The following IL12RB1 variants were observed in gnomAD, a reference collection of about 807,000 sequenced individuals.
IL12RB1 encodes the protein interleukin-12 receptor subunit beta-1.
A neutral mutation model predicts 94.4 loss-of-function variants in IL12RB1; 64 were observed. The observed-to-expected ratio is 0.68, with a 90% CI of 0.55 to 0.83. IL12RB1 has a LOEUF of 0.83. Ranked by LOEUF, IL12RB1 falls within the 40% of genes least tolerant of loss-of-function variation. The probability of loss-of-function intolerance (pLI) is 0.00; values close to 1 mark genes in which losing one functional copy is unlikely to be tolerated. For missense variants in IL12RB1, 814 were observed against 855.6 expected (o/e 0.95, Z 0.61); for synonymous variants, 362 against 355.5 (o/e 1.02, Z -0.21).
upstream of IL12RB1, among the ~76,000 whole-genome samples, chr19:18,091,697 T>C (rs1430638603): frequency 6.6e-6 from 1 of 152,056 alleles, no homozygotes; most frequent in Non-Finnish European, 1.5e-5. Context: ...TTGAGGATGT[T>C]TAATTATTAT....
Position 18,059,536 on chromosome 19 carries a change from G to T in IL12RB1, c.*72C>A. 1 of 768,102 alleles carries T rather than the reference G, an allele frequency of 1.3e-6. No homozygotes were observed. The highest frequency in any genetic ancestry group is 2.4e-6 in the Non-Finnish European group (1 of 411,672). 47.6% of individuals were successfully genotyped at this position (768,102 alleles called of 1,614,324 possible). A position where few individuals can be genotyped will look rare whatever the true frequency, so the allele number is the denominator to read the frequency against. On this transcript the variant is annotated 3_prime_UTR_variant, in exon 17 of 17. Transcript: ENST00000593993. ...AGCCTGGAGGAGCTCTGGGTTATTT[G>T]GGTCCAAATGTGACTCCTGTGTGTG... is the stretch of plus-strand genomic sequence containing the variant.
chr19:18,097,661 G>A (rs984261889), intron 1 of IL12RB1: 1 of 451,382 alleles, frequency 2.2e-6, no homozygotes, highest in Non-Finnish European at 3.4e-6. Flanking sequence ...GCGGGGCCCT[G>A]TGGTCGGGCT....
At chr19:18,098,760 G>A (rs1209052902) in exon 1 of IL12RB1, 1 of 456,682 alleles carries the variant, frequency 2.2e-6, no homozygotes, top group Non-Finnish European at 4.4e-6. Flanking sequence ...CTTACCCAAC[G>A]AACATTTATG....
chr19:18,083,345 G>A, intron 2 of IL12RB1, 87 bp downstream of exon 2: 2 of 1,226,700 alleles, frequency 1.6e-6, no homozygotes, highest in South Asian at 1.2e-5. Context: ...TTGGCCTGGT[G>A]GTGGAGGCCA....
chr19:18,075,445 G>A (rs917015663), intron 7 of IL12RB1, among the ~76,000 whole-genome samples: 1 of 151,626 alleles, frequency 6.6e-6, no homozygotes, highest in South Asian at 2.1e-4. Flanking sequence ...ATTTTTAGTA[G>A]AGAAGGGGTT....
At chr19:18,080,783 G>C in intron 4 of IL12RB1, 49 bp downstream of exon 4, 1 of 1,269,134 alleles carries the variant, frequency 7.9e-7, no homozygotes, top group Non-Finnish European at 1.2e-6. Context: ...CTTGCAGCCT[G>C]ATGGCCTCTC....
chr19:18,073,419 C>A, intron 8 of IL12RB1, 98 bp downstream of exon 8: 1 of 788,508 alleles, frequency 1.3e-6, no homozygotes, highest in Non-Finnish European at 2.3e-6. Context: ...CTCTACATCT[C>A]ATCTCCCTCC....
In IL12RB1 at chr19:18,061,137, G is replaced by A; in HGVS notation, c.1776C>T (p.Phe592=). 1 of 1,592,732 alleles carries A rather than the reference G, an allele frequency of 6.3e-7. No individual in the cohort carries two copies. Among genetic ancestry groups the A allele is most frequent in the Non-Finnish European group, 8.6e-7 (1 of 1,164,416 alleles). ...PTPCASSAIE[F]PGGKETWQWI... ...GCATCCTTACCTCCTTCCCTCCAGG[G>A]AACTCAATGGCGGAGCTGGCACAGG... Residue 592 remains phenylalanine (F), a synonymous_variant, in exon 15 of 17, where the codon TTC becomes TTT. Transcript: ENST00000593993.
intron 12 of IL12RB1, among the ~76,000 whole-genome samples, chr19:18,064,708 A>C (rs2084668175): frequency 6.6e-6 from 1 of 150,478 alleles, no homozygotes; most frequent in Non-Finnish European, 1.5e-5. Context: ...TCCTGGCCTC[A>C]AGTGATCCGC....
At chr19:18,097,000 A>C (rs2036998403) in intron 1 of IL12RB1, among the ~76,000 whole-genome samples, 1 of 152,118 alleles carries the variant, frequency 6.6e-6, no homozygotes, top group African/African-American at 2.4e-5. Context: ...ATAAAAAATA[A>C]AAGTTTTGAT....
intron 3 of IL12RB1, 95 bp from the exon 4 acceptor site, chr19:18,081,096 T>C (rs2035868324): frequency 6.6e-6 from 7 of 1,066,862 alleles, no homozygotes; most frequent in Admixed American, 4.4e-5. Context: ...GTTTTTTTGG[T>C]GTTTGTTTGT....
At chr19:18,079,579 C>A (rs896442455) in intron 4 of IL12RB1, among the ~76,000 whole-genome samples, 62 of 152,188 alleles carry the variant, frequency 4.1e-4, no homozygotes, top group African/African-American at 1.4e-3. Context: ...GTTCTACTTT[C>A]GGTGCCTAGA....
At chr19:18,075,270 CT>C (rs201879214) in intron 7 of IL12RB1, among the ~76,000 whole-genome samples, 32,179 of 109,006 alleles carry the variant, frequency 0.3, 3,335 homozygotes, top group East Asian at 0.41. Flanking sequence ...TTTTTTTTTA[CT>C]TTTTTTTGAG....
At chr19:18,072,514 T>C (rs1350137633) in intron 8 of IL12RB1, among the ~76,000 whole-genome samples, 165 bp from the exon 9 acceptor site, 1 of 152,176 alleles carries the variant, frequency 6.6e-6, no homozygotes, top group Non-Finnish European at 1.5e-5. Flanking sequence ...GCAAAGCTGC[T>C]GTGAGACAGG....
In IL12RB1 at chr19:18,063,930, C is replaced by T. The variant is rs2034362814; in HGVS notation, c.1564G>A (p.Ala522Thr). The T allele has an allele frequency of 6.2e-7, 1 of 1,613,394 alleles. No homozygotes were observed. The highest frequency in any genetic ancestry group is 8.5e-7 in the Non-Finnish European group (1 of 1,179,566). The change falls in exon 13 of 17, where the codon GCA (alanine) becomes ACA (threonine). Residue 522 changes from alanine to threonine, a missense_variant. Coordinates refer to ENST00000593993, the MANE Select transcript of IL12RB1 (RefSeq NM_005535.3). ...ACACCCCTCAGCCACGCTGTGTCTG[C>T]TCGCACCTGCACCGTGTAGGCTACA... ...AGVAYTVQVR[A>T]DTAWLRGVWS...
chr19:18,075,062 A>C (rs901657868), intron 7 of IL12RB1, among the ~76,000 whole-genome samples: 3 of 150,442 alleles, frequency 2.0e-5, no homozygotes, highest in South Asian at 2.1e-4. Flanking sequence ...AAAAAAAAAA[A>C]CAACAAAAAA....
chr19:18,088,113 C>A (rs150543577), upstream of IL12RB1, among the ~76,000 whole-genome samples: 6 of 151,872 alleles, frequency 4.0e-5, no homozygotes, highest in African/African-American at 1.5e-4. Context: ...TTAGGCCAGG[C>A]GCGGTGGCTC....
chr19:18,082,580 T>C (rs1213028270), intron 2 of IL12RB1, among the ~76,000 whole-genome samples: 1 of 152,194 alleles, frequency 6.6e-6, no homozygotes, highest in African/African-American at 2.4e-5. Flanking sequence ...ATCACATTTG[T>C]GATAGACATT....
At chr19:18,098,697 C>G (rs1190820851) in intron 1 of IL12RB1, 2 of 456,504 alleles carry the variant, frequency 4.4e-6, no homozygotes, top group African/African-American at 4.0e-5. Flanking sequence ...GGGACTTAGA[C>G]CACACCCTTA....
Sources: allele counts gnomAD v4.1 joint callset (sites outside exome capture counted in the v4.1 genomes callset), GRCh38; gene constraint gnomAD v4.1.1; transcripts MANE v1.5; gene names NCBI Gene and HGNC (gene_info 2026-07-23, HGNC 2026-07-21).